Variants in HYDIN observed in about 807,000 individuals in gnomAD.
The protein encoded by HYDIN is axonemal central pair apparatus protein HYDIN.
In HYDIN, 132 loss-of-function variants were observed where a neutral mutation model predicts 403.9. That is an observed-to-expected ratio of 0.33 (90% CI 0.28 to 0.38). The LOEUF is 0.38. HYDIN is among the 10% of genes least tolerant of loss of function. The pLI, the probability that HYDIN is intolerant of heterozygous loss-of-function variation, is 1.00. For synonymous variants in HYDIN, 1,202 were observed against 1,891.7 expected (o/e 0.64, Z 9.46); for missense variants, 2,827 against 5,009.5 (o/e 0.56, Z 13.15).
chr16:71,184,238 C>G (rs1039003831), intron 3 of HYDIN, among the ~76,000 whole-genome samples: 7 of 152,036 alleles, frequency 4.6e-5, no homozygotes, highest in African/African-American at 1.4e-4. Context: ...AGGTTAATCT[C>G]CCCAGCAGCC....
In HYDIN at chr16:71,070,263, CTT is replaced by C. The variant is rs1491127780; in HGVS notation, c.1739-763_1739-762del. ...CTTTCTTTTCTTTCTTTCTTTCTTT[CTT>C]TCTCTCTCCTTCCTTCCTTCCTTCC... is the stretch of plus-strand genomic sequence containing the variant. On this transcript the variant is annotated intron_variant, in intron 13 of 85. Transcript: ENST00000393567. 2.9e-3 allele frequency among the ~76,000 whole-genome samples: 430 copies of C among 150,526 alleles called. 2 individuals are homozygous for C. Among genetic ancestry groups the C allele is most frequent in the South Asian group, 0.014 (66 of 4,700 alleles).
chr16:71,079,808 C>T, intron 13 of HYDIN, 77 bp downstream of exon 13: 2 of 627,762 alleles, frequency 3.2e-6, no homozygotes, highest in Non-Finnish European at 5.7e-6. Flanking sequence ...AACGGGGGTT[C>T]TTTGTAAACC....
intron 47 of HYDIN, among the ~76,000 whole-genome samples, chr16:70,911,891 T>C (rs2076707553): frequency 6.7e-6 from 1 of 149,180 alleles, no homozygotes; most frequent in South Asian, 2.1e-4. Flanking sequence ...AGAGGTTGAG[T>C]TATTGATTTG....
chr16:70,931,466 A>G (rs1490977414), intron 45 of HYDIN, among the ~76,000 whole-genome samples: 1 of 151,888 alleles, frequency 6.6e-6, no homozygotes, highest in African/African-American at 2.4e-5. Context: ...CAGCCTTGCT[A>G]CTCAGAGTGT....
At chr16:70,922,958 C>G (rs1033484239) in intron 45 of HYDIN, among the ~76,000 whole-genome samples, 1 of 151,480 alleles carries the variant, frequency 6.6e-6, no homozygotes, top group African/African-American at 2.4e-5. Context: ...TGTAGAGACA[C>G]AGTTTTGCCA....
At position 70,932,808 on chromosome 16, in the gene HYDIN, G is replaced by A. The variant is rs546938562; in HGVS notation, c.7158+3144C>T. Among the ~76,000 whole-genome samples the A allele has an allele frequency of 4.6e-4, 70 of 152,292 alleles. 2 individuals carry two copies. In the South Asian group the frequency reaches 0.014, roughly 30 times the overall value. On this transcript the variant is annotated intron_variant, in intron 45 of 85. Transcript: ENST00000393567. ...AAAAATATTCAGTTGTTCACCCATC[G>A]AATCTAGTCAGCAAGGATTAAAAGG...
At chr16:70,895,540 C>G (rs2076177116) in intron 54 of HYDIN, among the ~76,000 whole-genome samples, 1 of 151,336 alleles carries the variant, frequency 6.6e-6, no homozygotes, top group South Asian at 2.1e-4. Flanking sequence ...ATGGATTCTC[C>G]CCCAGAGCTT....
chr16:71,156,782 A>G (rs181510703), intron 6 of HYDIN, among the ~76,000 whole-genome samples: 2 of 152,094 alleles, frequency 1.3e-5, no homozygotes. Context: ...TTGAGTTTTT[A>G]GATTTTGAAA....
At chr16:71,024,804 C>CATTT (rs2080633026) in intron 21 of HYDIN, among the ~76,000 whole-genome samples, 1 of 149,808 alleles carries the variant, frequency 6.7e-6, no homozygotes, top group African/African-American at 2.5e-5. Flanking sequence ...TACGTAGAGC[C>CATTT]ATTTAAGTTA....
chr16:70,893,995 T>C (rs1302057564), intron 55 of HYDIN: 1 of 152,770 alleles, frequency 6.5e-6, no homozygotes, highest in East Asian at 1.9e-4. Flanking sequence ...AGATAAGAGC[T>C]GGCAGAAGGC....
intron 23 of HYDIN, among the ~76,000 whole-genome samples, chr16:71,004,229 G>A (rs1221829831): frequency 7.3e-5 from 11 of 151,360 alleles, no homozygotes; most frequent in Non-Finnish European, 1.3e-4. Flanking sequence ...CAGGAGAATC[G>A]CTTGAACCTG....
At chr16:71,026,638 A>G (rs574640930) in intron 20 of HYDIN, among the ~76,000 whole-genome samples, 2 of 152,344 alleles carry the variant, frequency 1.3e-5, no homozygotes, top group Admixed American at 6.5e-5. Flanking sequence ...GATCACCTGA[A>G]TAACAGAGAG....
At chr16:71,064,136 A>G (rs2082180307) in intron 16 of HYDIN, among the ~76,000 whole-genome samples, 1 of 132,212 alleles carries the variant, frequency 7.6e-6, no homozygotes, top group South Asian at 2.4e-4. Flanking sequence ...GTAACCTTCC[A>G]TTACTCTAAT....
chr16:71,223,480 C>A (rs1257370255), intron 1 of HYDIN, among the ~76,000 whole-genome samples: 14 of 151,980 alleles, frequency 9.2e-5, no homozygotes, highest in Admixed American at 6.6e-4. Flanking sequence ...TAAATGGGTC[C>A]TAATTAAACT....
chr16:71,219,306 T>G (rs763309553), intron 1 of HYDIN, among the ~76,000 whole-genome samples: 4 of 152,004 alleles, frequency 2.6e-5, no homozygotes, highest in Non-Finnish European at 4.4e-5. Flanking sequence ...AGATGCCATT[T>G]TAAAAAAAAA....
At chr16:71,201,131 C>G (rs930969959) in intron 1 of HYDIN, among the ~76,000 whole-genome samples, 1 of 152,180 alleles carries the variant, frequency 6.6e-6, no homozygotes, top group Non-Finnish European at 1.5e-5. Flanking sequence ...TATGTCCTCA[C>G]AGCAATGCAC....
rs1182232120 is a variant in HYDIN, at chr16:71,078,328, T to C, written c.1738+1557A>G. Among the ~76,000 whole-genome samples, 6 of 152,144 alleles carry C rather than the reference T, an allele frequency of 3.9e-5. No homozygotes were observed. In the East Asian group the frequency reaches 1.2e-3, roughly 29 times the overall value. On this transcript the variant is annotated intron_variant, in intron 13 of 85. Transcript: ENST00000393567. ...GTATATTCTATGATTATTTTTCTAT[T>C]CAGGTTTTCTACTCCTTGCGGTAAT...
chr16:70,960,263 C>T lies in HYDIN; in HGVS notation c.5969-443G>A, dbSNP rs576679029. Reference sequence around the variant, plus strand: ...AGACTAGTCAACTATAGCCCACAGGCCAAATCTGTCCTGCTGCTTGTTTTC... The same window carrying T: ...AGACTAGTCAACTATAGCCCACAGGTCAAATCTGTCCTGCTGCTTGTTTTC... On this transcript the variant is annotated intron_variant, in intron 38 of 85. Coordinates refer to ENST00000393567, the MANE Select transcript of HYDIN (RefSeq NM_001270974.2). Among the ~76,000 whole-genome samples the T allele has an allele frequency of 5.0e-3, 750 of 151,408 alleles. 6 individuals are homozygous for T. Among genetic ancestry groups the T allele is most frequent in the African/African-American group, 0.018 (722 of 41,076 alleles).
intron 41 of HYDIN, 117 bp from the exon 42 acceptor site, chr16:70,944,066 A>C (rs148438433): frequency 0.012 from 8,632 of 737,606 alleles, 77 homozygotes; most frequent in Non-Finnish European, 0.015. Flanking sequence ...CCTCATCTGT[A>C]CAATGGGAAC....
Sources: gnomAD v4.1 joint callset for allele counts (sites outside exome capture counted in the v4.1 genomes callset) on GRCh38, gnomAD v4.1.1 for gene constraint, MANE v1.5 for transcripts, NCBI Gene and HGNC (gene_info 2026-07-23, HGNC 2026-07-21) for gene names.